ATP8A2: variants seen among roughly 807,000 people sequenced by gnomAD.
ATP8A2 encodes ATPase phospholipid transporting 8A2.
In ATP8A2, 100 loss-of-function variants were observed where a neutral mutation model predicts 165.6. The observed-to-expected ratio is 0.60, with a 90% CI of 0.51 to 0.71. ATP8A2 has a LOEUF of 0.71. ATP8A2 is among the 30% of genes least tolerant of loss of function. The probability of loss-of-function intolerance (pLI) is 0.00; values close to 1 mark genes in which losing one functional copy is unlikely to be tolerated. For synonymous variants in ATP8A2, 543 were observed against 548.8 expected (o/e 0.99, Z 0.15); for missense variants, 1,227 against 1,479.5 (o/e 0.83, Z 2.80).
intron 35 of ATP8A2, among the ~76,000 whole-genome samples, chr13:25,998,161 A>C (rs1008617545): frequency 6.6e-6 from 1 of 152,136 alleles, no homozygotes; most frequent in Non-Finnish European, 1.5e-5. Context: ...GATTCTCCAT[A>C]AGACCTTTTC....
chr13:25,542,164 C>T, intron 9 of ATP8A2, 118 bp downstream of exon 9: 3 of 1,089,538 alleles, frequency 2.8e-6, no homozygotes, highest in Middle Eastern at 3.1e-4. Flanking sequence ...GATTTCATAC[C>T]CTTTCAATTA....
At chr13:25,685,705 G>T (rs1337467873) in intron 24 of ATP8A2, among the ~76,000 whole-genome samples, 3 of 152,168 alleles carry the variant, frequency 2.0e-5, no homozygotes, top group Non-Finnish European at 2.9e-5. Context: ...AGCTAGTTGG[G>T]GCTCTGGCAC....
rs564331453 is a variant in ATP8A2 at position 25,693,488 on chromosome 13, A to G, written c.2212-5685A>G. On this transcript the variant is annotated intron_variant, in intron 24 of 36. Transcript: ENST00000381655. ...GAGGGCTCTTAGTGGTAGGAAGAGG[A>G]TTTCAATCCCAGAGGCAAAGGAGTG... Among the ~76,000 whole-genome samples the G allele has an allele frequency of 2.3e-3, 347 of 152,228 alleles. 3 individuals carry two copies. Among genetic ancestry groups the G allele is most frequent in the African/African-American group, 8.1e-3 (337 of 41,554 alleles).
chr13:25,913,231 T>C (rs573156114), intron 33 of ATP8A2, among the ~76,000 whole-genome samples: 3 of 152,180 alleles, frequency 2.0e-5, no homozygotes, highest in Non-Finnish European at 4.4e-5. Flanking sequence ...CTCTGAAGCC[T>C]ACACTGTTTC....
intron 1 of ATP8A2, among the ~76,000 whole-genome samples, chr13:25,407,961 A>C (rs1372965783): frequency 2.0e-5 from 3 of 152,230 alleles, no homozygotes. Flanking sequence ...TACATAATGC[A>C]TGCGGGGCTT....
intron 25 of ATP8A2, among the ~76,000 whole-genome samples, chr13:25,765,916 C>T (rs1169997591): frequency 6.6e-6 from 1 of 152,186 alleles, no homozygotes; most frequent in East Asian, 1.9e-4. Context: ...TTTCCGACCC[C>T]TGCAGTGTGA....
chr13:25,701,516 G>A (rs2042951008), intron 25 of ATP8A2, among the ~76,000 whole-genome samples: 1 of 152,028 alleles, frequency 6.6e-6, no homozygotes, highest in Admixed American at 6.6e-5. Flanking sequence ...TTGATCAAGG[G>A]GTCATCCCCC....
chr13:25,738,268 G>T (rs936577893), intron 25 of ATP8A2, among the ~76,000 whole-genome samples: 28 of 152,092 alleles, frequency 1.8e-4, no homozygotes, highest in Non-Finnish European at 2.9e-4. Flanking sequence ...ATTCTGGAAC[G>T]CAGGTATGAC....
intron 24 of ATP8A2, among the ~76,000 whole-genome samples, chr13:25,667,914 T>C (rs1374914574): frequency 6.6e-6 from 1 of 152,186 alleles, no homozygotes; most frequent in Non-Finnish European, 1.5e-5. Flanking sequence ...ATGGTGCCAG[T>C]GTAGCTTCAA....
rs962920646 is a variant in ATP8A2, at chr13:26,021,060, A to G, written c.*1075A>G. 6.6e-6 allele frequency: 1 copy of G among 152,270 alleles called. No homozygotes were observed. The highest frequency in any genetic ancestry group is 2.4e-5 in the African/African-American group (1 of 41,466). The allele number at this position is 152,270 out of a possible 1,614,324, so 9.4% of individuals were successfully genotyped here. A position where few individuals can be genotyped will look rare whatever the true frequency, so the allele number is the denominator to read the frequency against. ...CATTTTGGACTTTCACTGTTGGGAA[A>G]TGAATGAATTTATAACATGCCTGCA... On this transcript the variant is annotated 3_prime_UTR_variant, in exon 37 of 37. Coordinates refer to ENST00000381655, the MANE Select transcript of ATP8A2 (RefSeq NM_016529.6).
At chr13:25,532,707 C>T (rs944506059) in intron 5 of ATP8A2, among the ~76,000 whole-genome samples, 39 of 152,270 alleles carry the variant, frequency 2.6e-4, no homozygotes, top group Non-Finnish European at 3.5e-4. Context: ...ACTCCTGTTG[C>T]CCAGGCTGGA....
intron 1 of ATP8A2, among the ~76,000 whole-genome samples, chr13:25,382,521 A>T (rs1168879086): frequency 6.6e-6 from 1 of 152,228 alleles, no homozygotes; most frequent in Non-Finnish European, 1.5e-5. Flanking sequence ...TTGTCTTCCA[A>T]AGTGGCTGTA....
chr13:25,401,454 G>T (rs566739885), intron 1 of ATP8A2, among the ~76,000 whole-genome samples: 3 of 152,100 alleles, frequency 2.0e-5, no homozygotes, highest in Admixed American at 2.0e-4. Flanking sequence ...GTTTGTTCTC[G>T]GGCTGTGGTA....
chr13:25,860,072 T>C (rs1952299789), intron 30 of ATP8A2, 123 bp from the exon 31 acceptor site: 2 of 576,830 alleles, frequency 3.5e-6, no homozygotes, highest in East Asian at 5.7e-5. Flanking sequence ...AGTCACAGGA[T>C]GGGATTTTGA....
intron 35 of ATP8A2, among the ~76,000 whole-genome samples, chr13:25,973,624 A>C (rs1486255087): frequency 1.3e-5 from 2 of 152,226 alleles, no homozygotes; most frequent in African/African-American, 4.8e-5. Flanking sequence ...GTGAGTACTC[A>C]ACTCAAAAAT....
intron 1 of ATP8A2, among the ~76,000 whole-genome samples, chr13:25,415,773 C>A (rs56885372): frequency 0.026 from 3,915 of 152,260 alleles, 184 homozygotes; most frequent in African/African-American, 0.089. Flanking sequence ...TCAGAAATGC[C>A]TACTTGGCCT....
intron 24 of ATP8A2, among the ~76,000 whole-genome samples, chr13:25,695,666 A>G (rs2042819380): frequency 6.6e-6 from 1 of 152,222 alleles, no homozygotes; most frequent in Non-Finnish European, 1.5e-5. Flanking sequence ...TTGCCCATCC[A>G]TAAGAAGCAA....
At chr13:25,748,422 G>T (rs1268856108) in intron 25 of ATP8A2, among the ~76,000 whole-genome samples, 1 of 152,118 alleles carries the variant, frequency 6.6e-6, no homozygotes, top group Non-Finnish European at 1.5e-5. Flanking sequence ...TAAGCTCTTT[G>T]GTTCGAGCAT....
rs148405936 is a variant in ATP8A2 at position 25,912,563 on chromosome 13, G to A, written c.3184-49012G>A. 2.3e-4 allele frequency among the ~76,000 whole-genome samples: 35 copies of A among 152,246 alleles called. No homozygotes were observed. The East Asian group carries it at 6.0e-3, about 26-fold the overall frequency. On this transcript the variant is annotated intron_variant, in intron 33 of 36. Coordinates refer to ENST00000381655, the MANE Select transcript of ATP8A2 (RefSeq NM_016529.6). The stretch of plus-strand genomic sequence containing the variant: ...TCAAAAGTTCTCTCCACAAAAAGAT[G>A]CGTATTTGATGTGAGGGATATATTA...
Sources: gnomAD v4.1 joint callset for allele counts (sites outside exome capture counted in the v4.1 genomes callset) on GRCh38, gnomAD v4.1.1 for gene constraint, MANE v1.5 for transcripts, NCBI Gene and HGNC (gene_info 2026-07-23, HGNC 2026-07-21) for gene names.